Variants in ZMYND10 observed in about 807,000 individuals in gnomAD.
The protein encoded by ZMYND10 is zinc finger MYND-type containing 10.
ZMYND10 carries 52 observed loss-of-function variants against 62.6 expected under a neutral mutation model. That is an observed-to-expected ratio of 0.83 (90% CI 0.67 to 1.05). The LOEUF (loss-of-function observed/expected upper bound fraction) is 1.05. Among genes scored for constraint, ZMYND10 ranks in the 50% least tolerant of loss-of-function variants. ZMYND10 has a pLI of 0.00. For synonymous variants in ZMYND10, 197 were observed against 218.5 expected (o/e 0.90, Z 0.87); for missense variants, 438 against 543.3 (o/e 0.81, Z 1.93).
At position 50,343,601 on chromosome 3, in the gene ZMYND10, A is replaced by T. The variant is rs149180464; in HGVS notation, c.334T>A (p.Ser112Thr). 6.2e-6 allele frequency: 10 copies of T among 1,614,018 alleles called. No individual in the cohort carries two copies. The African/African-American group carries it at 1.1e-4, about 17-fold the overall frequency. Residue 112 changes from serine to threonine, a missense_variant, in exon 4 of 12, where the codon TCC becomes ACC. Coordinates refer to ENST00000231749, the MANE Select transcript of ZMYND10 (RefSeq NM_015896.4). ...PIYMVVHHEA[S>T]IINLLETVFF... ...ACTGTCTCCAAGAGGTTGATGATGG[A>T]GGCCTCGTGGTGCACCTGTCAGATA...
In ZMYND10 at chr3:50,345,288, G is replaced by A; in HGVS notation, c.93-56C>T. 13 of 1,575,926 alleles carry A rather than the reference G, an allele frequency of 8.2e-6. No homozygotes were observed. Among genetic ancestry groups the A allele is most frequent in the Non-Finnish European group, 1.0e-5 (12 of 1,155,116 alleles). On this transcript the variant is annotated intron_variant, in intron 1 of 11. Transcript: ENST00000231749. The surrounding 1 kb of genome is among the most constrained non-coding windows in gnomAD (Gnocchi z 5.0). ...ACGTGTGTGCATTAGGAGTGGGGAT[G>A]GGGGCTGGATCCTACTGAAGCCTAA...
chr3:50,341,569 C>G lies in ZMYND10; in HGVS notation c.1247+5G>C, dbSNP rs1205275375. On this transcript the variant is annotated splice_donor_5th_base_variant and intron_variant, in intron 11 of 11. Transcript: ENST00000231749. ...TAGAGGTCCAAGGTTCTAGGATACC[C>G]TCACCTGCAGCAATACCACTCATTC... The G allele has an allele frequency of 6.2e-7, 1 of 1,614,180 alleles. No homozygotes were observed.
rs587731307 is a variant in ZMYND10, at chr3:50,345,492, C to T, written c.88G>A (p.Glu30Lys). Residue 30 changes from glutamate to lysine, a missense_variant, in exon 1 of 12, where the codon GAA (glutamate) becomes AAA (lysine). Coordinates refer to ENST00000231749, the MANE Select transcript of ZMYND10 (RefSeq NM_015896.4). This position sits in a 1 kb window ranked among gnomAD's most constrained non-coding sequence, Gnocchi z 5.0. Reference sequence around the variant, plus strand: ...CGCCTGACCCGGGTGCCTCACCCTTCGGAGCCCATCTCGCGTAGCGGGAAG... The same window carrying T: ...CGCCTGACCCGGGTGCCTCACCCTTTGGAGCCCATCTCGCGTAGCGGGAAG... The part of the protein sequence containing the change: ...RSFPLREMGS[E>K]GWNQQHENLE... The T allele has an allele frequency of 8.1e-5, 129 of 1,601,624 alleles. 1 individual carries two copies. In the South Asian group the frequency reaches 9.5e-4, roughly 12 times the overall value.
chr3:50,344,617 C>CT (rs10563378), intron 2 of ZMYND10, among the ~76,000 whole-genome samples: 18,646 of 128,598 alleles, frequency 0.14, 2,310 homozygotes, highest in East Asian at 0.6. Flanking sequence ...CCATGCCCGG[C>CT]TTTTTTTTTT....
In ZMYND10 at chr3:50,341,275, GC is replaced by G; in HGVS notation, c.*134del. 9.0e-7 allele frequency: 1 copy of G among 1,114,142 alleles called. No individual in the cohort carries two copies. Among genetic ancestry groups the G allele is most frequent in the East Asian group, 2.5e-5 (1 of 39,494 alleles). 69.0% of individuals were successfully genotyped at this position (1,114,142 alleles called of 1,614,324 possible). The stretch of plus-strand genomic sequence containing the variant: ...TGAGGAGGAGGGAGATCGGTCAGCA[GC>G]TTTACCGCCCGCTCTGCTCTCCACT... On this transcript the variant is annotated 3_prime_UTR_variant, in exon 12 of 12. Transcript: ENST00000231749.
At chr3:50,342,236 G>A in intron 8 of ZMYND10, 96 bp from the exon 9 acceptor site, 1 of 1,581,510 alleles carries the variant, frequency 6.3e-7, no homozygotes, top group Non-Finnish European at 8.6e-7. Flanking sequence ...ATGCCTGTGG[G>A]GGCCCATGTC....
chr3:50,343,396 AAT>A lies in ZMYND10; in HGVS notation c.419_420del (p.Tyr140LeufsTer19). 1 of 1,613,794 alleles carries A rather than the reference AAT, an allele frequency of 6.2e-7. No homozygotes were observed. Among genetic ancestry groups the A allele is most frequent in the Non-Finnish European group, 8.5e-7 (1 of 1,179,826 alleles). On this transcript the variant is annotated frameshift_variant, in exon 5 of 12. Transcript: ENST00000231749. LOFTEE classifies it high-confidence loss of function. ...AEDTVLDLVD[Y>X]CHRKLTLLVA... ...ACCAGCAGGGTCAGTTTGCGGTGGC[AAT>A]AGTCTACCAAGTCCAAGACAGTGTC...
rs760207561 is a variant in ZMYND10, at chr3:50,342,964, G to C, written c.654C>G (p.Leu218=). 1.9e-6 allele frequency: 3 copies of C among 1,614,168 alleles called. No homozygotes were observed. The highest frequency in any genetic ancestry group is 1.1e-5 in the South Asian group (1 of 91,088). ...GACTATGCTCCAGCAGTTCCACCAG[G>C]AGGCAGGGCAGGTTGTGTGTGCTAA... is the stretch of plus-strand genomic sequence containing the variant. ...RMLSTHNLPC[L]LVELLEHSPW... The change falls in exon 7 of 12, where the codon CTC becomes CTG. Residue 218 remains leucine (L), a synonymous_variant. Transcript: ENST00000231749.
In ZMYND10 at chr3:50,345,055, G is replaced by T; in HGVS notation, c.201+69C>A. On this transcript the variant is annotated intron_variant, in intron 2 of 11. Coordinates refer to ENST00000231749, the MANE Select transcript of ZMYND10 (RefSeq NM_015896.4). The surrounding 1 kb of genome is among the most constrained non-coding windows in gnomAD (Gnocchi z 5.0). The stretch of plus-strand genomic sequence containing the variant: ...AGGCCAGAGGGGAAGGGCACACAGG[G>T]GACTCCGGAGGGGTAGAGTAGGTGA... The T allele has an allele frequency of 7.4e-7, 1 of 1,360,004 alleles. No homozygotes were observed. Among genetic ancestry groups the T allele is most frequent in the Non-Finnish European group, 1.0e-6 (1 of 964,436 alleles). The allele number at this position is 1,360,004 out of a possible 1,614,324, so 84.2% of individuals were successfully genotyped here.
chr3:50,342,719 AG>A, intron 7 of ZMYND10, 150 bp from the exon 8 acceptor site: 1 of 1,467,252 alleles, frequency 6.8e-7, no homozygotes, highest in Non-Finnish European at 9.0e-7. Context: ...ACCCCAGAGC[AG>A]GGTGAGCCTC....
Position 50,342,395 on chromosome 3 carries a change from A to T in ZMYND10, c.873+2T>A, listed in dbSNP as rs1412379957. On this transcript the variant is annotated splice_donor_variant, in intron 8 of 11. Coordinates refer to ENST00000231749, the MANE Select transcript of ZMYND10 (RefSeq NM_015896.4). LOFTEE classifies it high-confidence loss of function. ...TGGGGGCTGGTGCGGAGGGAGTCTG[A>T]CCTTGAGTAGCCGTCCCTTGGCAAA... 6.4e-7 allele frequency: 1 copy of T among 1,570,708 alleles called. No homozygotes were observed. The highest frequency in any genetic ancestry group is 1.4e-5 in the African/African-American group (1 of 73,624).
rs1217255142 is a variant in ZMYND10 at position 50,345,693 on chromosome 3, G to A, written c.-114C>T. On this transcript the variant is annotated 5_prime_UTR_variant, in exon 1 of 12. Coordinates refer to ENST00000231749, the MANE Select transcript of ZMYND10 (RefSeq NM_015896.4). This position sits in a 1 kb window ranked among gnomAD's most constrained non-coding sequence, Gnocchi z 5.0. ...GTCTGGGACAGGACAGTTGCGGGAC[G>A]GTTGGGGAGCGTCAGTTCTCGCAGC... 6 of 1,498,012 alleles carry A rather than the reference G, an allele frequency of 4.0e-6. No homozygotes were observed. In the African/African-American group the frequency reaches 5.6e-5, roughly 14 times the overall value. The allele number at this position is 1,498,012 out of a possible 1,614,324, so 92.8% of individuals were successfully genotyped here.
In ZMYND10 at chr3:50,345,709, T is replaced by C; in HGVS notation, c.-130A>G. On this transcript the variant is annotated 5_prime_UTR_variant, in exon 1 of 12. Transcript: ENST00000231749. This position sits in a 1 kb window ranked among gnomAD's most constrained non-coding sequence, Gnocchi z 5.0. ...TTGCGGGACGGTTGGGGAGCGTCAG[T>C]TCTCGCAGCCATGGAAACGGGTTAG... The C allele has an allele frequency of 6.8e-7, 1 of 1,477,972 alleles. No homozygotes were observed. The highest frequency in any genetic ancestry group is 9.0e-7 in the Non-Finnish European group (1 of 1,112,038). The allele number at this position is 1,477,972 out of a possible 1,614,324, so 91.6% of individuals were successfully genotyped here. A position where few individuals can be genotyped will look rare whatever the true frequency, so the allele number is the denominator to read the frequency against.
intron 2 of ZMYND10, chr3:50,344,185 T>G: frequency 5.4e-6 from 2 of 370,234 alleles, no homozygotes; most frequent in Non-Finnish European, 1.0e-5. Context: ...GCCCTCCCTC[T>G]AGTCCCTGTC....
At chr3:50,343,265 C>T (rs373152072) in intron 5 of ZMYND10, 42 bp downstream of exon 5, 27 of 1,613,528 alleles carry the variant, frequency 1.7e-5, no homozygotes, top group Middle Eastern at 1.6e-4. Context: ...CCTTGGGGAA[C>T]CCAGACCTAG....
chr3:50,343,501 A>G, intron 4 of ZMYND10, 57 bp from the exon 5 acceptor site: 5 of 1,614,108 alleles, frequency 3.1e-6, no homozygotes, highest in Non-Finnish European at 1.7e-6. Context: ...CACAGACACA[A>G]TCTCCCTTCC....
At chr3:50,343,284 A>T (rs758415948) in intron 5 of ZMYND10, 23 bp downstream of exon 5, 3 of 1,612,744 alleles carry the variant, frequency 1.9e-6, no homozygotes, top group South Asian at 2.2e-5. Context: ...AGGCTTTCAC[A>T]ACCCTAGGTA....
At position 50,342,544 on chromosome 3, in the gene ZMYND10, G is replaced by A; in HGVS notation, c.726C>T (p.Ser242=). The change falls in exon 8 of 12, where the codon AGC becomes AGT. Residue 242 remains serine (S), a synonymous_variant. Coordinates refer to ENST00000231749, the MANE Select transcript of ZMYND10 (RefSeq NM_015896.4). The stretch of plus-strand genomic sequence containing the variant: ...CTGAGGGGGCCACAGTATGCCAACG[G>A]CTGCCCTCGAACTGCTGCAGCTTGC... ...EGGKLQQFEG[S]RWHTVAPSEQ... 1.2e-6 allele frequency: 2 copies of A among 1,613,620 alleles called. No individual in the cohort carries two copies. The highest frequency in any genetic ancestry group is 1.7e-6 in the Non-Finnish European group (2 of 1,179,620).
In ZMYND10 at chr3:50,341,601, C is replaced by G. The variant is rs182064110; in HGVS notation, c.1220G>C (p.Arg407Pro). The change falls in exon 11 of 12, where the codon CGA becomes CCA. Residue 407 changes from arginine to proline, a missense_variant. Arg to Pro is a moderately radical substitution (Grantham distance 103). Transcript: ENST00000231749. The stretch of plus-strand genomic sequence containing the variant: ...GCAGCAATACCACTCATTCTGGCAT[C>G]GTGAGCAGCGCTTAGAAGCCTCTGC... Reference protein sequence around the residue: ...CSAEASKRCSRCQNEWYCCRE... With the variant: ...CSAEASKRCSPCQNEWYCCRE... 45 of 1,614,270 alleles carry G rather than the reference C, an allele frequency of 2.8e-5. No homozygotes were observed. Among genetic ancestry groups the G allele is most frequent in the Admixed American group, 8.3e-5 (5 of 60,032 alleles).
Sources: gnomAD v4.1 joint callset for allele counts (sites outside exome capture counted in the v4.1 genomes callset) on GRCh38, gnomAD v4.1.1 for gene constraint, Gnocchi (gnomAD v3.1) non-coding constraint, MANE v1.5 for transcripts, NCBI Gene and HGNC (gene_info 2026-07-23, HGNC 2026-07-21) for gene names.